The following COL21A1 variants were observed in gnomAD, a reference collection of about 807,000 sequenced individuals.
The protein encoded by COL21A1 is collagen alpha-1(XXI) chain.
In COL21A1, 149 loss-of-function variants were observed where a neutral mutation model predicts 137.9. That is an observed-to-expected ratio of 1.08 (90% CI 0.95 to 1.24). COL21A1 has a LOEUF of 1.24. Among genes scored for constraint, COL21A1 ranks in the 50% most tolerant of loss-of-function variants. COL21A1 has a pLI of 0.00. For synonymous variants in COL21A1, 456 were observed against 391.5 expected, an observed-to-expected ratio of 1.16 and a Z score of -1.95; for missense variants, 1,167 against 1,158.4, an observed-to-expected ratio of 1.01 and a Z score of -0.11.
At chr6:56,264,763 C>CTAA (rs1763357946) in intron 1 of COL21A1, among the ~76,000 whole-genome samples, 1 of 152,144 alleles carries the variant, frequency 6.6e-6, no homozygotes, top group Non-Finnish European at 1.5e-5. Flanking sequence ...AAATTTAATC[C>CTAA]ATATCATCTA....
intron 1 of COL21A1, among the ~76,000 whole-genome samples, chr6:56,284,448 T>G (rs984478036): frequency 5.9e-5 from 9 of 152,314 alleles, no homozygotes; most frequent in South Asian, 2.1e-4. Flanking sequence ...TGTAGTTGTT[T>G]TTTTCTGTCA....
intron 1 of COL21A1, among the ~76,000 whole-genome samples, chr6:56,306,388 C>T (rs1764453323): frequency 1.3e-5 from 2 of 152,140 alleles, no homozygotes; most frequent in South Asian, 2.1e-4. Context: ...TAGATTTGGT[C>T]TTTTCACATA....
At chr6:56,088,085 C>T (rs1380307426) in intron 17 of COL21A1, among the ~76,000 whole-genome samples, 4 of 152,002 alleles carry the variant, frequency 2.6e-5, no homozygotes, top group East Asian at 1.9e-4. Flanking sequence ...CTTTTTAGGC[C>T]GGGCACAGTG....
chr6:56,162,174 T>A (rs1020906342), intron 9 of COL21A1, among the ~76,000 whole-genome samples: 1 of 152,190 alleles, frequency 6.6e-6, no homozygotes, highest in Non-Finnish European at 1.5e-5. Flanking sequence ...GGGATTCTGT[T>A]TTTTACATAC....
In COL21A1 at chr6:56,185,561, G is replaced by A. The variant is rs547328009; in HGVS notation, c.-38-2905C>T. 9.7e-3 allele frequency among the ~76,000 whole-genome samples: 1,434 copies of A among 148,144 alleles called. 6 individuals are homozygous for A. Among genetic ancestry groups the A allele is most frequent in the Admixed American group, 0.019 (274 of 14,724 alleles). On this transcript the variant is annotated intron_variant, in intron 1 of 29. Coordinates refer to ENST00000244728, the MANE Select transcript of COL21A1 (RefSeq NM_030820.4). ...CGCCATTCTCCTGCCTCAGCCTCCC[G>A]AGTAGCTGGGACTACAGGCGCCCGC...
At chr6:56,226,389 A>G (rs906845544) in intron 1 of COL21A1, among the ~76,000 whole-genome samples, 2 of 152,082 alleles carry the variant, frequency 1.3e-5, no homozygotes, top group African/African-American at 4.8e-5. Flanking sequence ...CTTTCAAGAG[A>G]TAGATATTTG....
intron 1 of COL21A1, among the ~76,000 whole-genome samples, chr6:56,200,899 A>C (rs1450593984): frequency 6.6e-6 from 1 of 152,092 alleles, no homozygotes; most frequent in Non-Finnish European, 1.5e-5. Context: ...ACAATGGTTG[A>C]ACTAGTTTAC....
At chr6:56,082,294 T>C (rs963066226) in intron 17 of COL21A1, among the ~76,000 whole-genome samples, 3 of 151,418 alleles carry the variant, frequency 2.0e-5, no homozygotes, top group Non-Finnish European at 2.9e-5. Flanking sequence ...TATCAGTAAG[T>C]GAAATGCATA....
intron 12 of COL21A1, among the ~76,000 whole-genome samples, chr6:56,139,304 A>G (rs1774229211): frequency 6.6e-6 from 1 of 152,162 alleles, no homozygotes; most frequent in African/African-American, 2.4e-5. Context: ...TAATCTTCAC[A>G]AAAAGCCTAG....
At chr6:56,299,469 A>G (rs1163500744) in intron 1 of COL21A1, among the ~76,000 whole-genome samples, 1 of 152,134 alleles carries the variant, frequency 6.6e-6, no homozygotes, top group Non-Finnish European at 1.5e-5. Context: ...CTATTTGATA[A>G]CATTATGTAA....
At chr6:56,172,482 G>C (rs1024114321) in intron 3 of COL21A1, among the ~76,000 whole-genome samples, 1 of 152,080 alleles carries the variant, frequency 6.6e-6, no homozygotes, top group Non-Finnish European at 1.5e-5. Context: ...ATAAACACAA[G>C]CTGAGAAAGT....
At chr6:56,205,380 TATC>T (rs1779698142) in intron 1 of COL21A1, among the ~76,000 whole-genome samples, 1 of 151,986 alleles carries the variant, frequency 6.6e-6, no homozygotes, top group Non-Finnish European at 1.5e-5. Context: ...GAAGAAAGGA[TATC>T]AGAGACTGAA....
At chr6:56,324,039 G>T (rs1764940963) in intron 1 of COL21A1, among the ~76,000 whole-genome samples, 2 of 152,018 alleles carry the variant, frequency 1.3e-5, no homozygotes, top group South Asian at 4.1e-4. Flanking sequence ...AAAAATAATG[G>T]TTTGTGCTCT....
intron 1 of COL21A1, among the ~76,000 whole-genome samples, chr6:56,301,457 A>G (rs139694662): frequency 2.0e-5 from 3 of 152,160 alleles, no homozygotes; most frequent in Non-Finnish European, 4.4e-5. Context: ...CATATGACCT[A>G]TTTCAGACTC....
intron 16 of COL21A1, among the ~76,000 whole-genome samples, chr6:56,115,796 A>G (rs1771866478): frequency 6.6e-6 from 1 of 152,188 alleles, no homozygotes; most frequent in Admixed American, 6.5e-5. Context: ...AGGAATTCAG[A>G]ATTATATTAG....
At chr6:56,279,332 A>G (rs564347504) in intron 1 of COL21A1, among the ~76,000 whole-genome samples, 1 of 152,166 alleles carries the variant, frequency 6.6e-6, no homozygotes, top group Non-Finnish European at 1.5e-5. Context: ...TGAGCCAATT[A>G]AATATTTTAT....
chr6:56,135,575 T>G (rs912968381), intron 12 of COL21A1, among the ~76,000 whole-genome samples: 3 of 152,150 alleles, frequency 2.0e-5, no homozygotes, highest in Non-Finnish European at 2.9e-5. Context: ...AACCCTTTGA[T>G]CCAATAATCA....
At chr6:56,176,687 AGGAG>A (rs1476714281) in intron 3 of COL21A1, among the ~76,000 whole-genome samples, 4 of 150,994 alleles carry the variant, frequency 2.6e-5, no homozygotes, top group Admixed American at 2.6e-4. Context: ...GAGGGAAGGA[AGGAG>A]GGAGGTTTCA....
chr6:56,257,590 T>A (rs989237726), intron 1 of COL21A1, among the ~76,000 whole-genome samples: 3 of 152,166 alleles, frequency 2.0e-5, no homozygotes, highest in African/African-American at 7.2e-5. Context: ...AAACATTTTC[T>A]GTAAAGACCC....
Sources: allele counts gnomAD v4.1 joint callset (sites outside exome capture counted in the v4.1 genomes callset), GRCh38; gene constraint gnomAD v4.1.1; transcripts MANE v1.5; gene names NCBI Gene and HGNC (gene_info 2026-07-23, HGNC 2026-07-21).